The following ATP7A variants were observed in gnomAD, a reference collection of about 807,000 sequenced individuals.
The protein encoded by ATP7A is copper-transporting ATPase 1.
Under a neutral mutation model 83.5 loss-of-function variants are expected in ATP7A, and 7 were observed. The ratio of observed to expected loss-of-function variants is 0.08; its 90% CI spans 0.05 to 0.16. The LOEUF is 0.16. ATP7A is among the 10% of genes least tolerant of loss of function. The pLI, the probability that ATP7A is intolerant of heterozygous loss-of-function variation, is 1.00. For missense variants in ATP7A, 940 were observed against 1,120.8 expected (o/e 0.84, Z 2.30); for synonymous variants, 354 against 395.2 (o/e 0.90, Z 1.24).
chrX:77,911,429 A>G (rs1398733718), intron 1 of ATP7A, among the ~76,000 whole-genome samples: 2 of 111,825 alleles, frequency 1.8e-5, no homozygotes, highest in Admixed American at 1.9e-4. Flanking sequence ...ACAAACACTT[A>G]TCGTTTCACA....
intron 2 of ATP7A, chrX:77,974,947 A>G: frequency 3.9e-6 from 1 of 255,578 alleles, no homozygotes; most frequent in Non-Finnish European, 7.0e-6. Flanking sequence ...TTACATATGT[A>G]TACATGTGCC....
chrX:78,040,210 CT>C (rs1283779761), intron 18 of ATP7A, among the ~76,000 whole-genome samples: 3 of 88,706 alleles, frequency 3.4e-5, no homozygotes, highest in Admixed American at 1.2e-4. Flanking sequence ...CCCCCCCCCC[CT>C]TACCTTAAAA....
intron 1 of ATP7A, among the ~76,000 whole-genome samples, chrX:77,943,893 T>TA (rs1191540922): frequency 8.9e-6 from 1 of 112,270 alleles, no homozygotes; most frequent in Admixed American, 9.5e-5. Context: ...GATATGCTTA[T>TA]ACCTATAACT....
At chrX:78,037,546 G>C (rs2078020797) in intron 17 of ATP7A, among the ~76,000 whole-genome samples, 1 of 111,496 alleles carries the variant, frequency 9.0e-6, no homozygotes, top group Non-Finnish European at 1.9e-5. Flanking sequence ...AAGGGAAAGA[G>C]AGAGTTAAGT....
At chrX:77,948,109 ATTCATTCATTCATTCG>A (rs1340613406) in intron 1 of ATP7A, among the ~76,000 whole-genome samples, 1 of 106,406 alleles carries the variant, frequency 9.4e-6, no homozygotes, top group East Asian at 2.9e-4. Context: ...TTATTCATTC[ATTCATTCATTCATTCG>A]TTCATTCATT....
At chrX:77,948,584 G>C (rs782637721) in intron 1 of ATP7A, among the ~76,000 whole-genome samples, 2 of 112,260 alleles carry the variant, frequency 1.8e-5, no homozygotes, top group Non-Finnish European at 3.8e-5. Flanking sequence ...GCAACTTAAA[G>C]AATAGCAGCA....
At chrX:78,009,363 T>A (rs782213423) in intron 7 of ATP7A, 100 bp downstream of exon 7, 2 of 931,863 alleles carry the variant, frequency 2.1e-6, no homozygotes, top group Admixed American at 2.2e-5. Flanking sequence ...TGAAAAAAAA[T>A]CTAACTCCTT....
chrX:77,940,894 A>T (rs1557225566), intron 1 of ATP7A, among the ~76,000 whole-genome samples: 1 of 112,311 alleles, frequency 8.9e-6, no homozygotes, highest in Non-Finnish European at 1.9e-5. Context: ...AGTACCTGAT[A>T]AAAGTGTGGC....
At chrX:77,968,304 C>T (rs2077521734) in intron 1 of ATP7A, among the ~76,000 whole-genome samples, 1 of 112,297 alleles carries the variant, frequency 8.9e-6, no homozygotes, top group African/African-American at 3.2e-5. Flanking sequence ...TTAATATATA[C>T]TATACTTTTT....
chrX:78,007,440 C>T (rs2077783972), intron 6 of ATP7A, among the ~76,000 whole-genome samples: 1 of 111,561 alleles, frequency 9.0e-6, no homozygotes, highest in African/African-American at 3.3e-5. Flanking sequence ...ATTCTCCTGC[C>T]TCAGCCTACC....
At chrX:78,035,554 T>C (rs946243407) in intron 17 of ATP7A, among the ~76,000 whole-genome samples, 3 of 110,695 alleles carry the variant, frequency 2.7e-5, no homozygotes, top group Admixed American at 1.9e-4. Context: ...GGTCTCTCTC[T>C]CCTATGGGAC....
chrX:78,042,065 C>T (rs782562467), intron 19 of ATP7A, among the ~76,000 whole-genome samples: 3 of 98,400 alleles, frequency 3.0e-5, no homozygotes, highest in African/African-American at 1.2e-4. Flanking sequence ...TGCAGTGAGC[C>T]GAGATGGTAC....
At chrX:77,932,852 G>A (rs1461467723) in intron 1 of ATP7A, among the ~76,000 whole-genome samples, 1 of 111,815 alleles carries the variant, frequency 8.9e-6, no homozygotes, top group East Asian at 2.8e-4. Flanking sequence ...CGAGATGGCA[G>A]CAGTACAGTC....
intron 1 of ATP7A, among the ~76,000 whole-genome samples, chrX:77,956,784 T>TTTCTTTCG (rs1569549170): frequency 2.9e-5 from 3 of 102,126 alleles, no homozygotes; most frequent in African/African-American, 1.1e-4. Flanking sequence ...TCTTTCTTTC[T>TTTCTTTCG]TTCTCTTTCT....
chrX:77,931,930 G>A (rs1424081300), intron 1 of ATP7A, among the ~76,000 whole-genome samples: 3 of 99,452 alleles, frequency 3.0e-5, no homozygotes, highest in Non-Finnish European at 4.1e-5. Context: ...CGGACCGGGC[G>A]GCTGGCTGGG....
rs147225045 is a variant in ATP7A, at chrX:77,989,774, T to C, written c.1152T>C (p.Asp384=). 2 of 1,209,578 alleles carry C rather than the reference T, an allele frequency of 1.7e-6. No individual in the cohort carries two copies. Among genetic ancestry groups the C allele is most frequent in the African/African-American group, 1.7e-5 (1 of 57,190 alleles). Residue 384 remains aspartate (D), a synonymous_variant, in exon 4 of 23, where the codon GAT becomes GAC. Coordinates refer to ENST00000341514, the MANE Select transcript of ATP7A (RefSeq NM_000052.7). ...CACAAGAAACTGTGATAAACATTGA[T>C]GGCATGACTTGTAATTCCTGTGTGC... ...PLTQETVINI[D]GMTCNSCVQS...
chrX:77,971,903 A>C, intron 2 of ATP7A, 142 bp downstream of exon 2: 9 of 710,966 alleles, frequency 1.3e-5, no homozygotes, highest in South Asian at 5.5e-5. Flanking sequence ...AAGCTAAATA[A>C]GTTTTCTTTG....
At position 77,989,949 on chromosome X, in the gene ATP7A, A is replaced by G. The variant is rs1227094533; in HGVS notation, c.1327A>G (p.Thr443Ala). 2 of 1,209,759 alleles carry G rather than the reference A, an allele frequency of 1.7e-6. No homozygotes were observed. Among genetic ancestry groups the G allele is most frequent in the Non-Finnish European group, 2.2e-6 (2 of 895,039 alleles). ...AATAGAAGACATGGGATTTGATGCT[A>G]CCTTGTCAGGTAATTATCATTTTTT... ...GAIEDMGFDA[T>A]LSDTNEPLVV... Residue 443 changes from threonine (T) to alanine (A), a missense_variant, in exon 4 of 23, where the codon ACC becomes GCC. Coordinates refer to ENST00000341514, the MANE Select transcript of ATP7A (RefSeq NM_000052.7).
At chrX:78,011,090 C>A in intron 7 of ATP7A, 86 bp from the exon 8 acceptor site, 1 of 867,670 alleles carries the variant, frequency 1.2e-6, no homozygotes, top group South Asian at 2.1e-5. Context: ...TTGAACTGTT[C>A]TTAATGACAA....
Sources: gnomAD v4.1 joint callset for allele counts (sites outside exome capture counted in the v4.1 genomes callset) on GRCh38, gnomAD v4.1.1 for gene constraint, MANE v1.5 for transcripts, NCBI Gene and HGNC (gene_info 2026-07-23, HGNC 2026-07-21) for gene names.